The following SLC44A2 variants were observed in gnomAD, a reference collection of about 807,000 sequenced individuals.
SLC44A2 encodes solute carrier family 44 member 2 (CTL2 blood group).
SLC44A2 carries 57 observed loss-of-function variants against 90.8 expected under a neutral mutation model. That is an observed-to-expected ratio of 0.63 (90% confidence interval 0.51 to 0.78). SLC44A2 has a LOEUF of 0.78. Among genes scored for constraint, SLC44A2 ranks in the 30% least tolerant of loss-of-function variants. The probability of loss-of-function intolerance (pLI) is 0.00; values close to 1 mark genes in which losing one functional copy is unlikely to be tolerated. For missense variants in SLC44A2, 794 were observed against 919.7 expected, an observed-to-expected ratio of 0.86 and a Z score of 1.77; for synonymous variants, 355 against 360.7, an observed-to-expected ratio of 0.98 and a Z score of 0.18.
chr19:10,625,752 G>GA, intron 1 of SLC44A2, 82 bp downstream of exon 1: 1 of 1,158,806 alleles, frequency 8.6e-7, no homozygotes, highest in Middle Eastern at 2.6e-4. Flanking sequence ...GGGGCGCAGG[G>GA]AAGGGGGCTG....
chr19:10,641,639 G>C (rs2067117244), intron 20 of SLC44A2, among the ~76,000 whole-genome samples: 1 of 152,030 alleles, frequency 6.6e-6, no homozygotes, highest in Non-Finnish European at 1.5e-5. Context: ...AATCTCTTAA[G>C]CCCAGGATGG....
chr19:10,605,514 C>T (rs550173309), intron 1 of SLC44A2, among the ~76,000 whole-genome samples: 29 of 150,522 alleles, frequency 1.9e-4, no homozygotes, highest in South Asian at 1.5e-3. Flanking sequence ...AATTCAGTCT[C>T]GAAATAAATA....
intron 1 of SLC44A2, among the ~76,000 whole-genome samples, chr19:10,604,866 T>C (rs1387924082): frequency 6.6e-6 from 1 of 152,032 alleles, no homozygotes; most frequent in Non-Finnish European, 1.5e-5. Flanking sequence ...AGGAAGTGCA[T>C]TCCTCAGCAG....
rs369961922 is a variant in SLC44A2, at chr19:10,616,364, G to A, written c.32-9889G>A. 2.0e-4 allele frequency among the ~76,000 whole-genome samples: 31 copies of A among 152,058 alleles called. 1 individual carries two copies. In the East Asian group the frequency reaches 3.9e-3, roughly 19 times the overall value. ...TCTCACCTCAGGCTCGCAAGTAGCTGGGACTACAAAGGCATGTCACCACGC... is the reference window on the plus strand; with the variant it reads ...TCTCACCTCAGGCTCGCAAGTAGCTAGGACTACAAAGGCATGTCACCACGC... On this transcript the variant is annotated intron_variant, in intron 1 of 21. Transcript: ENST00000407327.
intron 10 of SLC44A2, among the ~76,000 whole-genome samples, chr19:10,632,847 T>G (rs1275587284): frequency 6.6e-6 from 1 of 151,778 alleles, no homozygotes; most frequent in Non-Finnish European, 1.5e-5. Context: ...TGATTTCGTA[T>G]TTTTAGTAGA....
chr19:10,641,093 G>GAAA (rs571498102), intron 20 of SLC44A2: 222 of 368,866 alleles, frequency 6.0e-4, no homozygotes, highest in East Asian at 5.5e-3. Flanking sequence ...TCTCAGGAGG[G>GAAA]AAAAAAAAAA....
chr19:10,628,939 T>G (rs1357838049), intron 4 of SLC44A2, among the ~76,000 whole-genome samples: 1 of 151,840 alleles, frequency 6.6e-6, no homozygotes, highest in African/African-American at 2.4e-5. Context: ...CTGGCATCGC[T>G]GGGCGTGGTG....
In SLC44A2 at chr19:10,631,386, GTGAGTTGTAGACTGTCC is replaced by G; in HGVS notation, c.441+6_441+22del. ...TGTTCCTGGCTTCAAGAACAATAAA[GTGAGTTGTAGACTGTCC>G]TGAGAGCACAGGTATGGGCAGTGGC... On this transcript the variant is annotated splice_donor_variant and splice_donor_5th_base_variant and intron_variant, in intron 6 of 21. Coordinates refer to ENST00000335757, the MANE Select transcript of SLC44A2 (RefSeq NM_020428.4). LOFTEE classifies it high-confidence loss of function. The G allele has an allele frequency of 6.2e-7, 1 of 1,614,140 alleles. No individual in the cohort carries two copies. The highest frequency in any genetic ancestry group is 1.1e-5 in the South Asian group (1 of 91,086).
At chr19:10,608,640 T>A (rs1027468480) in intron 1 of SLC44A2, among the ~76,000 whole-genome samples, 5 of 101,778 alleles carry the variant, frequency 4.9e-5, no homozygotes, top group Admixed American at 1.2e-4. Context: ...ATATATATAT[T>A]TTATTTATTT....
Position 10,643,522 on chromosome 19 carries a change from C to T in SLC44A2, c.*137C>T, listed in dbSNP as rs1396262951. On this transcript the variant is annotated 3_prime_UTR_variant, in exon 22 of 22. Coordinates refer to ENST00000335757, the MANE Select transcript of SLC44A2 (RefSeq NM_020428.4). The stretch of plus-strand genomic sequence containing the variant: ...CCCCTCCCCATGAGCCAGATCCCAC[C>T]AGTTTCTGGACGTGGAGAGTCTGGG... 2 of 1,049,132 alleles carry T rather than the reference C, an allele frequency of 1.9e-6. No homozygotes were observed. The highest frequency in any genetic ancestry group is 2.7e-6 in the Non-Finnish European group (2 of 749,386). 65.0% of individuals were successfully genotyped at this position (1,049,132 alleles called of 1,614,324 possible). A position where few individuals can be genotyped will look rare whatever the true frequency, so the allele number is the denominator to read the frequency against.
intron 1 of SLC44A2, among the ~76,000 whole-genome samples, chr19:10,613,960 T>TTTA (rs961690981): frequency 2.8e-4 from 42 of 151,828 alleles, no homozygotes; most frequent in Admixed American, 7.9e-4. Context: ...GTGGTTTTTA[T>TTTA]TTATTATTAT....
At chr19:10,627,262 A>G (rs1260172693) in intron 2 of SLC44A2, among the ~76,000 whole-genome samples, 1 of 151,788 alleles carries the variant, frequency 6.6e-6, no homozygotes, top group Non-Finnish European at 1.5e-5. Context: ...TAGAGGTTGC[A>G]GTAAGCTGAG....
chr19:10,603,279 C>T (rs528312106), intron 1 of SLC44A2, among the ~76,000 whole-genome samples: 22 of 152,300 alleles, frequency 1.4e-4, no homozygotes, highest in Admixed American at 3.9e-4. Flanking sequence ...TCTCCATCAC[C>T]AGCGCCCTGT....
intron 1 of SLC44A2, among the ~76,000 whole-genome samples, chr19:10,616,640 G>A (rs1304936996): frequency 2.0e-5 from 3 of 152,028 alleles, no homozygotes; most frequent in East Asian, 2.0e-4. Context: ...TGAGGTGGGC[G>A]GATCACCTGA....
chr19:10,625,910 A>G (rs1005854988), intron 1 of SLC44A2, among the ~76,000 whole-genome samples: 2 of 151,250 alleles, frequency 1.3e-5, no homozygotes, highest in African/African-American at 4.9e-5. Context: ...TCTGCCTGGC[A>G]CTGCTGCCGG....
chr19:10,620,556 C>T (rs933333129), upstream of SLC44A2, among the ~76,000 whole-genome samples: 1 of 152,172 alleles, frequency 6.6e-6, no homozygotes, highest in African/African-American at 2.4e-5. Context: ...ACTCTACATA[C>T]ATGTATTATA....
chr19:10,642,272 G>T, intron 20 of SLC44A2, 95 bp from the exon 21 acceptor site: 1 of 1,011,766 alleles, frequency 9.9e-7, no homozygotes, highest in Non-Finnish European at 1.6e-6. Flanking sequence ...TTCTCAGCAG[G>T]GGAAGGATGT....
chr19:10,629,108 G>A (rs1027936810), intron 4 of SLC44A2, among the ~76,000 whole-genome samples: 1 of 150,786 alleles, frequency 6.6e-6, no homozygotes, highest in African/African-American at 2.4e-5. Flanking sequence ...GGAGGCTGAG[G>A]CAGGAGAATT....
At chr19:10,618,299 C>T (rs892237751) in intron 1 of SLC44A2, among the ~76,000 whole-genome samples, 52 of 151,628 alleles carry the variant, frequency 3.4e-4, no homozygotes, top group African/African-American at 1.1e-3. Context: ...CTCAGCCTCC[C>T]GAGTAGCTGG....
Sources: allele counts gnomAD v4.1 joint callset (sites outside exome capture counted in the v4.1 genomes callset), GRCh38; gene constraint gnomAD v4.1.1; transcripts MANE v1.5; gene names NCBI Gene and HGNC (gene_info 2026-07-23, HGNC 2026-07-21).